The following MEIOSIN variants were observed in gnomAD, a reference collection of about 807,000 sequenced individuals.
MEIOSIN encodes the protein meiosis initiator, also known as meiosis initiator protein.
MEIOSIN carries 18 observed loss-of-function variants against 23.4 expected under a neutral mutation model. The ratio of observed to expected loss-of-function variants is 0.77; its 90% CI spans 0.53 to 1.14. The LOEUF (loss-of-function observed/expected upper bound fraction) is 1.14, where lower values mean the gene tolerates loss of function less well. Among genes scored for constraint, MEIOSIN ranks in the 50% most tolerant of loss-of-function variants. The probability of loss-of-function intolerance (pLI) is 0.00; values close to 1 mark genes in which losing one functional copy is unlikely to be tolerated. For synonymous variants in MEIOSIN, 187 were observed against 100.6 expected (o/e 1.86, Z -5.14); for missense variants, 428 against 242.9 (o/e 1.76, Z -5.07).
intron 11 of MEIOSIN, 35 bp downstream of exon 11, chr19:45,759,525 T>G: frequency 1.4e-6 from 1 of 701,940 alleles, no homozygotes. Flanking sequence ...CACAGACACA[T>G]CCATCCGTCT....
In MEIOSIN at chr19:45,757,282, C is replaced by T. The variant is rs773282224; in HGVS notation, c.1012+5C>T. On this transcript the variant is annotated splice_donor_5th_base_variant and intron_variant, in intron 9 of 14. Coordinates refer to ENST00000457052, the MANE Select transcript of MEIOSIN (RefSeq NM_001310124.2). ...CCCCAGAGAACAGCCCCCAAGGTGA[C>T]TGCAACTCTGTCTCTCCTCCTTGTA... The T allele has an allele frequency of 2.8e-6, 2 of 701,840 alleles. No individual in the cohort carries two copies. The highest frequency in any genetic ancestry group is 3.5e-5 in the African/African-American group (2 of 57,360). The allele number at this position is 701,840 out of a possible 1,614,324, so 43.5% of individuals were successfully genotyped here. A position where few individuals can be genotyped will look rare whatever the true frequency, so the allele number is the denominator to read the frequency against.
At chr19:45,758,784 G>A (rs957513762) in intron 9 of MEIOSIN, 94 bp from the exon 10 acceptor site, 9 of 627,484 alleles carry the variant, frequency 1.4e-5, no homozygotes, top group African/African-American at 7.3e-5. Context: ...TTCGCTTTCC[G>A]TAGCATCAGG....
chr19:45,753,500 G>C (rs1240501697), intron 5 of MEIOSIN, 151 bp from the exon 6 acceptor site: 2 of 579,242 alleles, frequency 3.5e-6, no homozygotes, highest in African/African-American at 3.8e-5. Flanking sequence ...TGACTGAGCG[G>C]CCTTGGATAA....
chr19:45,759,318 GA>G (rs1460893947), intron 10 of MEIOSIN, 95 bp from the exon 11 acceptor site: 1 of 679,376 alleles, frequency 1.5e-6, no homozygotes, highest in African/African-American at 1.8e-5. Flanking sequence ...GAACGCCAGA[GA>G]CGGGGACTCC....
intron 2 of MEIOSIN, among the ~76,000 whole-genome samples, chr19:45,737,515 G>T (rs1228653176): frequency 1.3e-5 from 2 of 151,780 alleles, no homozygotes; most frequent in Non-Finnish European, 2.9e-5. Context: ...CCCCAGGCTG[G>T]AGTGCAGTGA....
At chr19:45,734,951 T>C (rs1461492070) in intron 1 of MEIOSIN, among the ~76,000 whole-genome samples, 1 of 152,042 alleles carries the variant, frequency 6.6e-6, no homozygotes, top group African/African-American at 2.4e-5. Context: ...TGGAGTGCAG[T>C]GGCTTAATCC....
intron 4 of MEIOSIN, among the ~76,000 whole-genome samples, chr19:45,749,373 C>CAAA (rs750228351): frequency 1.3e-4 from 7 of 55,634 alleles, no homozygotes; most frequent in South Asian, 1.4e-3. Context: ...GACCCTGTCT[C>CAAA]AAAAAAAAAA....
At chr19:45,750,888 G>A (rs1328492453) in intron 5 of MEIOSIN, 102 bp downstream of exon 5, 3 of 429,008 alleles carry the variant, frequency 7.0e-6, no homozygotes, top group Non-Finnish European at 8.3e-6. Context: ...CTGGTATAGG[G>A]GACAAAGAGA....
At chr19:45,762,409 GA>G (rs947864876) in intron 13 of MEIOSIN, among the ~76,000 whole-genome samples, 7 of 152,082 alleles carry the variant, frequency 4.6e-5, no homozygotes, top group Admixed American at 2.0e-4. Context: ...TTAGACTTCA[GA>G]AAAAAAGGAG....
chr19:45,742,833 A>G (rs1372627977), intron 3 of MEIOSIN, among the ~76,000 whole-genome samples: 1 of 152,054 alleles, frequency 6.6e-6, no homozygotes, highest in Non-Finnish European at 1.5e-5. Context: ...AACAACAACA[A>G]CCAGGGCAAC....
intron 7 of MEIOSIN, among the ~76,000 whole-genome samples, chr19:45,755,593 C>T (rs752572984): frequency 3.3e-5 from 5 of 152,184 alleles, no homozygotes; most frequent in East Asian, 1.9e-4. Flanking sequence ...CTGGGACAGG[C>T]GCCCGCACCC....
intron 9 of MEIOSIN, among the ~76,000 whole-genome samples, chr19:45,757,591 G>A (rs1462556137): frequency 6.6e-6 from 1 of 152,180 alleles, no homozygotes; most frequent in Non-Finnish European, 1.5e-5. Flanking sequence ...CGCAGTCTCA[G>A]CTCACTTCAA....
intron 2 of MEIOSIN, among the ~76,000 whole-genome samples, chr19:45,737,601 G>T (rs1378172412): frequency 6.6e-6 from 1 of 150,980 alleles, no homozygotes; most frequent in African/African-American, 2.4e-5. Context: ...AAGTATGCAG[G>T]ACCACAGGCA....
intron 2 of MEIOSIN, among the ~76,000 whole-genome samples, chr19:45,737,528 C>T (rs1038011004): frequency 4.0e-5 from 6 of 151,822 alleles, no homozygotes; most frequent in South Asian, 2.1e-4. Flanking sequence ...TGCAGTGACA[C>T]GATCACAGTT....
intron 3 of MEIOSIN, among the ~76,000 whole-genome samples, chr19:45,744,793 G>C (rs1968563185): frequency 1.3e-5 from 2 of 152,078 alleles, no homozygotes; most frequent in African/African-American, 4.8e-5. Context: ...CCTTAAACTT[G>C]ATCCTTAACA....
intron 3 of MEIOSIN, among the ~76,000 whole-genome samples, chr19:45,741,033 C>A (rs2146176250): frequency 6.6e-6 from 1 of 152,138 alleles, no homozygotes; most frequent in East Asian, 1.9e-4. Context: ...ACAATTTTAC[C>A]TTCTTGATCC....
intron 5 of MEIOSIN, among the ~76,000 whole-genome samples, chr19:45,751,332 A>G (rs1444906326): frequency 6.7e-6 from 1 of 150,064 alleles, no homozygotes; most frequent in Non-Finnish European, 1.5e-5. Flanking sequence ...AATAAAATAA[A>G]TCTGATCATG....
At position 45,753,745 on chromosome 19, in the gene MEIOSIN, G is replaced by A. The variant is rs560804164; in HGVS notation, c.513G>A (p.Gly171=). The A allele has an allele frequency of 1.0e-3, 723 of 702,928 alleles. 10 individuals carry two copies. The highest frequency in any genetic ancestry group is 7.3e-3 in the South Asian group (491 of 67,600). The allele number at this position is 702,928 out of a possible 1,614,324, so 43.5% of individuals were successfully genotyped here. A position where few individuals can be genotyped will look rare whatever the true frequency, so the allele number is the denominator to read the frequency against. The part of the protein sequence containing the change: ...SPSSQKSCLQ[G]ACQKPRKKKL... The stretch of plus-strand genomic sequence containing the variant: ...GCTCTCAGAAGTCCTGTCTCCAGGG[G>A]GCGTGCCAGAAGCCTCGGAAGAAGA... Residue 171 remains glycine, a synonymous_variant, in exon 6 of 15, where the codon GGG becomes GGA. Coordinates refer to ENST00000457052, the MANE Select transcript of MEIOSIN (RefSeq NM_001310124.2).
chr19:45,744,310 A>G (rs1325527513), intron 3 of MEIOSIN, among the ~76,000 whole-genome samples: 2 of 151,788 alleles, frequency 1.3e-5, no homozygotes, highest in Non-Finnish European at 2.9e-5. Context: ...GTGAGCCACC[A>G]TGCCCGGCCT....
Sources: gnomAD v4.1 joint callset for allele counts (sites outside exome capture counted in the v4.1 genomes callset) on GRCh38, gnomAD v4.1.1 for gene constraint, MANE v1.5 for transcripts, NCBI Gene and HGNC (gene_info 2026-07-23, HGNC 2026-07-21) for gene names.